The following FAM110B variants were observed in gnomAD, a reference collection of about 807,000 sequenced individuals.
The protein encoded by FAM110B is family with sequence similarity 110 member B.
In FAM110B, 6 loss-of-function variants were observed where a neutral mutation model predicts 20.4. The ratio of observed to expected loss-of-function variants is 0.29; its 90% confidence interval spans 0.16 to 0.58. FAM110B has a LOEUF of 0.58. Ranked by LOEUF, FAM110B falls within the 20% of genes least tolerant of loss-of-function variation. The pLI, the probability that FAM110B is intolerant of heterozygous loss-of-function variation, is 0.90. For missense variants in FAM110B, 434 were observed against 498.2 expected (o/e 0.87, Z 1.23); for synonymous variants, 226 against 214.1 (o/e 1.06, Z -0.49).
intron 3 of FAM110B, among the ~76,000 whole-genome samples, chr8:58,107,309 G>A (rs935188106): frequency 6.6e-6 from 1 of 152,132 alleles, no homozygotes; most frequent in Non-Finnish European, 1.5e-5. Context: ...GGTACTTTTA[G>A]TGAAATATTT....
chr8:58,147,242 G>A lies in FAM110B; in HGVS notation c.1012G>A (p.Val338Met), dbSNP rs745510027. Residue 338 changes from valine (V) to methionine (M), a missense_variant, in exon 4 of 4, where the codon GTG (valine) becomes ATG (methionine). Around this residue, in one of 3 missense-constraint regions of FAM110B, gnomAD observed 94 missense variants for 137.8 expected, o/e 0.68. Coordinates refer to ENST00000519262, the MANE Select transcript of FAM110B (RefSeq NM_001377989.1). ...AAATGATGACAGTGCCAATGACCGC[G>A]TGCCGTATGGCATTTCTGCCATCGA... ...LRNDDSANDR[V>M]PYGISAIERN... The A allele has an allele frequency of 2.5e-6, 4 of 1,614,080 alleles. No individual in the cohort carries two copies. Among genetic ancestry groups the A allele is most frequent in the Middle Eastern group, 1.6e-4 (1 of 6,062 alleles).
rs61678749 is a variant in FAM110B at position 58,119,336 on chromosome 8, G to A, written c.-324-26571G>A. Among the ~76,000 whole-genome samples, 1,862 of 152,308 alleles carry A rather than the reference G, an allele frequency of 0.012. 105 individuals carry two copies. The East Asian group carries it at 0.13, about 10-fold the overall frequency. On this transcript the variant is annotated intron_variant, in intron 3 of 3. Transcript: ENST00000519262. ...AGATTTGGTGTCTGGTGAGGGCTCC[G>A]TCCCCACAGATGGTGACTTCTTGCT...
chr8:58,018,985 T>C (rs1179915507), intron 1 of FAM110B, among the ~76,000 whole-genome samples: 2 of 152,230 alleles, frequency 1.3e-5, no homozygotes, highest in Non-Finnish European at 2.9e-5. Flanking sequence ...TGTATGTTTG[T>C]TGTACACCTC....
At chr8:58,130,300 A>G (rs1400616271) in intron 3 of FAM110B, among the ~76,000 whole-genome samples, 2 of 152,216 alleles carry the variant, frequency 1.3e-5, no homozygotes, top group Non-Finnish European at 2.9e-5. Flanking sequence ...CGTTAAAAAG[A>G]ACAGTAGCTA....
At chr8:58,140,424 G>A (rs1049611099) in intron 3 of FAM110B, among the ~76,000 whole-genome samples, 1 of 152,156 alleles carries the variant, frequency 6.6e-6, no homozygotes, top group South Asian at 2.1e-4. Flanking sequence ...TCTGAGGCAC[G>A]AGAAGATAAA....
At chr8:58,000,939 T>C (rs1804282751) in intron 1 of FAM110B, among the ~76,000 whole-genome samples, 1 of 152,230 alleles carries the variant, frequency 6.6e-6, no homozygotes, top group Admixed American at 6.5e-5. Context: ...TATTCTTGTT[T>C]AGTGACAATG....
chr8:58,040,303 A>G (rs1461078736), intron 2 of FAM110B, among the ~76,000 whole-genome samples: 1 of 152,226 alleles, frequency 6.6e-6, no homozygotes, highest in African/African-American at 2.4e-5. Context: ...TACAGCACAC[A>G]GAAGCAGTTT....
Position 58,147,319 on chromosome 8 carries a change from G to A in FAM110B, c.1089G>A (p.Glu363=). ...KWLYSIKQAR[E]SQKVSHV ...TATATAGCATCAAACAAGCTAGAGA[G>A]TCACAGAAGGTCTCCCATGTGTAAG... The change falls in exon 4 of 4, where the codon GAG becomes GAA. Residue 363 remains glutamate, a synonymous_variant. Transcript: ENST00000519262. 6.2e-7 allele frequency: 1 copy of A among 1,613,874 alleles called. No individual in the cohort carries two copies. Among genetic ancestry groups the A allele is most frequent in the Non-Finnish European group, 8.5e-7 (1 of 1,179,838 alleles).
Position 58,147,393 on chromosome 8 carries a change from T to G in FAM110B, c.*50T>G, listed in dbSNP as rs781070227. ...GTGGGTCTCTGTGCTTACGCAGTTG[T>G]GAAGGTTGTGAGGTCTCCTTGAAGT... On this transcript the variant is annotated 3_prime_UTR_variant, in exon 4 of 4. Coordinates refer to ENST00000519262, the MANE Select transcript of FAM110B (RefSeq NM_001377989.1). 5.4e-5 allele frequency: 85 copies of G among 1,568,886 alleles called. No homozygotes were observed. The highest frequency in any genetic ancestry group is 1.2e-5 in the Non-Finnish European group (14 of 1,156,602).
intron 2 of FAM110B, among the ~76,000 whole-genome samples, chr8:58,048,189 T>A (rs1277315981): frequency 6.6e-6 from 1 of 152,220 alleles, no homozygotes. Flanking sequence ...CTTTCAGAAG[T>A]GTCTGCATTT....
rs1329248191 is a variant in FAM110B at position 58,080,805 on chromosome 8, G to C, written c.-325+5182G>C. Among the ~76,000 whole-genome samples, 9 of 152,178 alleles carry C rather than the reference G, an allele frequency of 5.9e-5. No individual in the cohort carries two copies. In the East Asian group the frequency reaches 1.7e-3, roughly 29 times the overall value. On this transcript the variant is annotated intron_variant, in intron 3 of 3. Coordinates refer to ENST00000519262, the MANE Select transcript of FAM110B (RefSeq NM_001377989.1). Reference sequence around the variant, plus strand: ...TCCTATTCACCAGGGGAGCAATGCTGCCCTCTCCTTGCATGGTCTTTAGGC... The same window carrying C: ...TCCTATTCACCAGGGGAGCAATGCTCCCCTCTCCTTGCATGGTCTTTAGGC...
rs561538334 is a variant in FAM110B, at chr8:58,108,450, G to A, written c.-325+32827G>A. Among the ~76,000 whole-genome samples the A allele has an allele frequency of 7.9e-5, 12 of 152,316 alleles. No individual in the cohort carries two copies. The East Asian group carries it at 1.9e-3, about 25-fold the overall frequency. Reference sequence around the variant, plus strand: ...CACTTGCTGGCAGGCCTTCACTTCAGATCTGACCTGAAACAACACACAGAA... The same window carrying A: ...CACTTGCTGGCAGGCCTTCACTTCAAATCTGACCTGAAACAACACACAGAA... On this transcript the variant is annotated intron_variant, in intron 3 of 3. Transcript: ENST00000519262.
At chr8:58,078,010 ATTTG>A (rs1806081333) in intron 3 of FAM110B, among the ~76,000 whole-genome samples, 1 of 152,174 alleles carries the variant, frequency 6.6e-6, no homozygotes, top group African/African-American at 2.4e-5. Context: ...GAAAAGCATA[ATTTG>A]TTTCTTATCT....
chr8:58,070,479 T>C (rs959629063), intron 2 of FAM110B: 8 of 152,242 alleles, frequency 5.3e-5, no homozygotes, highest in Admixed American at 5.2e-4. Flanking sequence ...GATCTTGCTT[T>C]GTTAATACCA....
At chr8:58,065,282 G>C (rs1805738107) in intron 2 of FAM110B, among the ~76,000 whole-genome samples, 1 of 152,130 alleles carries the variant, frequency 6.6e-6, no homozygotes, top group Non-Finnish European at 1.5e-5. Flanking sequence ...AACTGAAATG[G>C]TAGACATTAC....
intron 1 of FAM110B, among the ~76,000 whole-genome samples, chr8:58,003,655 G>A (rs142085751): frequency 6.6e-6 from 1 of 152,264 alleles, no homozygotes; most frequent in African/African-American, 2.4e-5. Context: ...GGGTGACCAG[G>A]GGCATTGTAA....
At chr8:57,995,830 C>T (rs758880197) in intron 1 of FAM110B, among the ~76,000 whole-genome samples, 1 of 152,232 alleles carries the variant, frequency 6.6e-6, no homozygotes, top group Non-Finnish European at 1.5e-5. Context: ...TCACAGCCAA[C>T]TTATGTCCTC....
At chr8:58,083,902 A>G (rs184166790) in intron 3 of FAM110B, among the ~76,000 whole-genome samples, 1 of 152,342 alleles carries the variant, frequency 6.6e-6, no homozygotes, top group East Asian at 1.9e-4. Flanking sequence ...GTTGGAAGTG[A>G]AGAAAATGTG....
chr8:58,146,349 A>G lies in FAM110B; in HGVS notation c.119A>G (p.Gln40Arg), dbSNP rs779498329. The change falls in exon 4 of 4, where the codon CAG becomes CGG. Residue 40 changes from glutamine (Q) to arginine (R), a missense_variant. Physicochemically the swap from Gln to Arg is conservative, Grantham distance 43 (BLOSUM62 1). This residue lies in a region of FAM110B where 56 missense variants were observed against 82.1 expected (regional missense o/e 0.68). Transcript: ENST00000519262. ...AAGGGGCCAGACTACTTCCGCAGGC[A>G]GGCCGAGCCCAACCCCAAGAGGCTC... ...LNKGPDYFRRQAEPNPKRLSA... is the reference protein window; with the variant it reads ...LNKGPDYFRRRAEPNPKRLSA... The G allele has an allele frequency of 6.2e-7, 1 of 1,614,054 alleles. No homozygotes were observed. Among genetic ancestry groups the G allele is most frequent in the Non-Finnish European group, 8.5e-7 (1 of 1,179,996 alleles).
Sources: gnomAD v4.1 joint callset for allele counts (sites outside exome capture counted in the v4.1 genomes callset) on GRCh38, gnomAD v4.1.1 for gene constraint, gnomAD v4.1.1 regional missense constraint, MANE v1.5 for transcripts, NCBI Gene and HGNC (gene_info 2026-07-23, HGNC 2026-07-21) for gene names.